MSR1: variants seen among roughly 807,000 people sequenced by gnomAD.
MSR1 encodes the protein macrophage scavenger receptor types I and II.
In MSR1, 53 loss-of-function variants were observed where a neutral mutation model predicts 47.2. That is an observed-to-expected ratio of 1.12 (90% CI 0.90 to 1.41). The LOEUF (loss-of-function observed/expected upper bound fraction) is 1.41. Ranked by LOEUF, MSR1 falls within the 40% of genes most tolerant of loss-of-function variation. The pLI is 0.00. For synonymous variants in MSR1, 239 were observed against 185.6 expected (o/e 1.29, Z -2.34); for missense variants, 786 against 546.9 (o/e 1.44, Z -4.36).
intron 6 of MSR1, among the ~76,000 whole-genome samples, chr8:16,151,841 T>C (rs1304550682): frequency 6.6e-6 from 1 of 152,168 alleles, no homozygotes; most frequent in African/African-American, 2.4e-5. Context: ...GTTAAGGGCA[T>C]GGACTCTGCA....
At chr8:16,163,467 A>G (rs1233207987) in intron 5 of MSR1, among the ~76,000 whole-genome samples, 1 of 151,660 alleles carries the variant, frequency 6.6e-6, no homozygotes, top group Non-Finnish European at 1.5e-5. Flanking sequence ...AAAAAATCAA[A>G]ATATAGAAAA....
intron 2 of MSR1, 27 bp downstream of exon 2, chr8:16,177,859 A>G: frequency 1.3e-6 from 2 of 1,577,288 alleles, no homozygotes; most frequent in Middle Eastern, 1.7e-4. Flanking sequence ...AACAACCTCC[A>G]TGGGCAGCCC....
intron 8 of MSR1, among the ~76,000 whole-genome samples, chr8:16,134,231 G>C (rs1800331800): frequency 6.6e-6 from 1 of 152,028 alleles, no homozygotes; most frequent in Non-Finnish European, 1.5e-5. Flanking sequence ...CTCTGATAGG[G>C]GCTCTTTTTA....
chr8:16,152,296 G>C (rs1800882714), intron 6 of MSR1, among the ~76,000 whole-genome samples: 1 of 152,068 alleles, frequency 6.6e-6, no homozygotes, highest in African/African-American at 2.4e-5. Context: ...TCCTTACTCA[G>C]GTGTATATTT....
intron 1 of MSR1, among the ~76,000 whole-genome samples, chr8:16,191,894 T>A (rs992074549): frequency 2.0e-5 from 3 of 152,200 alleles, no homozygotes; most frequent in Admixed American, 6.5e-5. Context: ...TTTGATAGAC[T>A]TTTTTCACAT....
chr8:16,121,779 T>G (rs1800011217), intron 8 of MSR1, among the ~76,000 whole-genome samples: 1 of 151,872 alleles, frequency 6.6e-6, no homozygotes, highest in Non-Finnish European at 1.5e-5. Context: ...AATATCTCTC[T>G]AATGTGAAAA....
chr8:16,115,698 C>A (rs1799861987), intron 9 of MSR1, among the ~76,000 whole-genome samples: 1 of 152,030 alleles, frequency 6.6e-6, no homozygotes, highest in Non-Finnish European at 1.5e-5. Context: ...CTAAGTCAAA[C>A]CAGGTGCAGT....
At chr8:16,113,113 T>C (rs141933566) in intron 9 of MSR1, among the ~76,000 whole-genome samples, 15,362 of 151,076 alleles carry the variant, frequency 0.1, 980 homozygotes, top group South Asian at 0.2. Flanking sequence ...CCACGCCCAG[T>C]TAATTTTTGT....
chr8:16,178,422 A>G (rs1585192849), intron 1 of MSR1, among the ~76,000 whole-genome samples: 1 of 152,126 alleles, frequency 6.6e-6, no homozygotes, highest in East Asian at 1.9e-4. Context: ...TGTCCCTACA[A>G]AGGACATAAA....
chr8:16,173,546 T>G (rs1186149319), intron 3 of MSR1, among the ~76,000 whole-genome samples: 1 of 152,206 alleles, frequency 6.6e-6, no homozygotes, highest in East Asian at 1.9e-4. Context: ...ATAGTTTGGT[T>G]GGTTGGTTGT....
intron 4 of MSR1, among the ~76,000 whole-genome samples, chr8:16,166,252 C>A (rs1801305776): frequency 6.8e-6 from 1 of 147,434 alleles, no homozygotes; most frequent in South Asian, 2.2e-4. Context: ...CTCCCTGCAA[C>A]CTCCACCTCC....
chr8:16,148,231 T>G lies in MSR1; in HGVS notation c.979+2000A>C, dbSNP rs1056286921. On this transcript the variant is annotated intron_variant, in intron 7 of 9. Transcript: ENST00000262101. Reference sequence around the variant, plus strand: ...ACATGGCATTATAGCTAATTGCTTATGCATTTTTTTTCTGTATCCAGCTCC... The same window carrying G: ...ACATGGCATTATAGCTAATTGCTTAGGCATTTTTTTTCTGTATCCAGCTCC... Among the ~76,000 whole-genome samples the G allele has an allele frequency of 3.3e-5, 5 of 152,134 alleles. 2 individuals are homozygous for G. The highest frequency in any genetic ancestry group is 1.3e-4 in the Admixed American group (2 of 15,268).
At chr8:16,147,968 C>T (rs1025962436) in intron 7 of MSR1, among the ~76,000 whole-genome samples, 1 of 152,168 alleles carries the variant, frequency 6.6e-6, no homozygotes, top group Non-Finnish European at 1.5e-5. Context: ...AGACCTACTG[C>T]ATCAGAAACT....
At chr8:16,132,613 A>G (rs1800288003) in intron 8 of MSR1, among the ~76,000 whole-genome samples, 2 of 151,842 alleles carry the variant, frequency 1.3e-5, no homozygotes, top group South Asian at 4.2e-4. Flanking sequence ...TCAGCCCCCC[A>G]AGTAGCTGGG....
chr8:16,144,260 C>T (rs773557357), intron 7 of MSR1, among the ~76,000 whole-genome samples: 9 of 152,056 alleles, frequency 5.9e-5, no homozygotes, highest in Admixed American at 1.3e-4. Context: ...ATTGCTACTT[C>T]ACCCACTGTC....
At chr8:16,186,024 C>G (rs572941314) in intron 1 of MSR1, 5 of 738,752 alleles carry the variant, frequency 6.8e-6, no homozygotes, top group Non-Finnish European at 1.1e-5. Flanking sequence ...GCAAGAAATC[C>G]ATAACCTGCC....
At chr8:16,187,689 G>T (rs1450357811) in intron 1 of MSR1, among the ~76,000 whole-genome samples, 1 of 152,002 alleles carries the variant, frequency 6.6e-6, no homozygotes, top group Non-Finnish European at 1.5e-5. Context: ...TTTTCAAGAT[G>T]ACTGGATTTT....
In MSR1 at chr8:16,130,749, G is replaced by C. The variant is rs114557514; in HGVS notation, c.1034-10143C>G. The stretch of plus-strand genomic sequence containing the variant: ...ACATGAAGTGTTTGGTTTTCTGCTT[G>C]TGTGTGTGTTTGTAAGGATAATGGC... On this transcript the variant is annotated intron_variant, in intron 8 of 9. Transcript: ENST00000262101. 1.3e-3 allele frequency among the ~76,000 whole-genome samples: 201 copies of C among 151,944 alleles called. 2 individuals are homozygous for C. The highest frequency in any genetic ancestry group is 4.8e-3 in the African/African-American group (200 of 41,472).
At chr8:16,131,558 G>A (rs915427024) in intron 8 of MSR1, among the ~76,000 whole-genome samples, 1 of 148,498 alleles carries the variant, frequency 6.7e-6, no homozygotes, top group African/African-American at 2.5e-5. Flanking sequence ...TCTTTACCAG[G>A]TCCTATGTTC....
Sources: allele counts gnomAD v4.1 joint callset (sites outside exome capture counted in the v4.1 genomes callset), GRCh38; gene constraint gnomAD v4.1.1; transcripts MANE v1.5; gene names NCBI Gene and HGNC (gene_info 2026-07-23, HGNC 2026-07-21).